TMEM63B: variants seen among roughly 807,000 people sequenced by gnomAD.
TMEM63B encodes the protein transmembrane protein 63B.
TMEM63B carries 23 observed loss-of-function variants against 102.6 expected under a neutral mutation model. That is an observed-to-expected ratio of 0.22 (90% CI 0.16 to 0.32). The LOEUF (loss-of-function observed/expected upper bound fraction) is 0.32, where lower values mean the gene tolerates loss of function less well. TMEM63B is among the 10% of genes least tolerant of loss of function. The pLI is 1.00. For missense variants in TMEM63B, 628 were observed against 1,095.9 expected (o/e 0.57, Z 6.03); for synonymous variants, 444 against 437.0 (o/e 1.02, Z -0.20).
intron 1 of TMEM63B, among the ~76,000 whole-genome samples, chr6:44,129,408 G>A (rs1777871999): frequency 6.6e-6 from 1 of 151,230 alleles, no homozygotes; most frequent in Non-Finnish European, 1.5e-5. Flanking sequence ...GAAAAAAAGT[G>A]TGGTTACTAC....
chr6:44,133,931 G>C (rs991933656), intron 1 of TMEM63B, among the ~76,000 whole-genome samples: 16 of 152,372 alleles, frequency 1.1e-4, no homozygotes, highest in African/African-American at 3.6e-4. Flanking sequence ...ATAAGCAGGA[G>C]TGGCTGGGGC....
intron 1 of TMEM63B, among the ~76,000 whole-genome samples, chr6:44,128,642 C>G (rs1206708198): frequency 6.6e-6 from 1 of 152,252 alleles, no homozygotes; most frequent in South Asian, 2.1e-4. Context: ...CTCCACCGCC[C>G]TGGGGGGCTG....
Position 44,152,353 on chromosome 6 carries a change from G to A in TMEM63B, c.1837-240G>A, listed in dbSNP as rs1463442818. On this transcript the variant is annotated intron_variant, in intron 19 of 23. Transcript: ENST00000323267. This position sits in a 1 kb window ranked among gnomAD's most constrained non-coding sequence, Gnocchi z 6.4. ...CCCAACTCTTGCCCCCTACCTGCCA[G>A]GCCCCGACCCTTGAAGGCCCCTCTC... Among the ~76,000 whole-genome samples, 1 of 151,840 alleles carries A rather than the reference G, an allele frequency of 6.6e-6. No homozygotes were observed. The highest frequency in any genetic ancestry group is 1.9e-4 in the East Asian group (1 of 5,168).
intron 20 of TMEM63B, among the ~76,000 whole-genome samples, chr6:44,153,267 C>T (rs1316935794): frequency 6.6e-6 from 1 of 152,226 alleles, no homozygotes; most frequent in East Asian, 1.9e-4. Flanking sequence ...ACCAACCCTC[C>T]CTGGTTATTG....
At position 44,150,227 on chromosome 6, in the gene TMEM63B, T is replaced by G. The variant is rs1030207695; in HGVS notation, c.1524T>G (p.Ser508=). The change falls in exon 17 of 24, where the codon TCT becomes TCG. Residue 508 remains serine (S), a synonymous_variant. Coordinates refer to ENST00000323267, the MANE Select transcript of TMEM63B (RefSeq NM_018426.3). The surrounding 1 kb of genome is among the most constrained non-coding windows in gnomAD (Gnocchi z 4.7). The part of the protein sequence containing the change: ...SAFFEAHWTR[S]GENRTTMHKC... ...TTCCCTGCTCCCCTCCCTCCAGCTC[T>G]GGGGAGAACAGGACAACCATGCACA... is the stretch of plus-strand genomic sequence containing the variant. 1.2e-6 allele frequency: 2 copies of G among 1,613,658 alleles called. No individual in the cohort carries two copies. Among genetic ancestry groups the G allele is most frequent in the African/African-American group, 2.7e-5 (2 of 74,914 alleles).
At chr6:44,139,381 T>A (rs1321166636) in intron 6 of TMEM63B, 86 bp from the exon 7 acceptor site, 2 of 1,531,466 alleles carry the variant, frequency 1.3e-6, no homozygotes, top group Non-Finnish European at 1.8e-6. Flanking sequence ...GGGTTTGGGG[T>A]GGGAGTGGGT....
At chr6:44,138,631 A>G (rs910917838) in intron 6 of TMEM63B, 114 bp downstream of exon 6, 1 of 1,236,158 alleles carries the variant, frequency 8.1e-7, no homozygotes, top group African/African-American at 1.5e-5. Flanking sequence ...TCGCCAGCAC[A>G]GCACCCTCCT....
chr6:44,136,712 C>T (rs77050779), intron 5 of TMEM63B, among the ~76,000 whole-genome samples: 2,200 of 152,350 alleles, frequency 0.014, 40 homozygotes, highest in African/African-American at 0.05. Context: ...GTGCCCACTT[C>T]TGCTGATTAA....
chr6:44,150,227 T>C lies in TMEM63B; in HGVS notation c.1524T>C (p.Ser508=), dbSNP rs1030207695. The C allele has an allele frequency of 1.9e-6, 3 of 1,613,658 alleles. No individual in the cohort carries two copies. In the African/African-American group the frequency reaches 4.0e-5, roughly 22 times the overall value. ...SAFFEAHWTR[S]GENRTTMHKC... is the part of the protein sequence containing the mutation. ...TTCCCTGCTCCCCTCCCTCCAGCTC[T>C]GGGGAGAACAGGACAACCATGCACA... The change falls in exon 17 of 24, where the codon TCT becomes TCC. Residue 508 remains serine (S), a synonymous_variant. Transcript: ENST00000323267. This position sits in a 1 kb window ranked among gnomAD's most constrained non-coding sequence, Gnocchi z 4.7.
Position 44,148,862 on chromosome 6 carries a change from C to A in TMEM63B, c.1330C>A (p.Leu444Ile), listed in dbSNP as rs768120770. 1 of 1,614,104 alleles carries A rather than the reference C, an allele frequency of 6.2e-7. No individual in the cohort carries two copies. Among genetic ancestry groups the A allele is most frequent in the Non-Finnish European group, 8.5e-7 (1 of 1,180,002 alleles). ...CLVINVVLFI[L>I]LFFLTTPAII... is the part of the protein sequence containing the mutation. ...GGTCATCAATGTCGTCCTCTTCATC[C>A]TCCTCTTCTTCCTCACCACTCCAGC... The change falls in exon 15 of 24, where the codon CTC (leucine) becomes ATC (isoleucine). Residue 444 changes from leucine to isoleucine, a missense_variant. Leu to Ile is a conservative substitution (Grantham distance 5). Coordinates refer to ENST00000323267, the MANE Select transcript of TMEM63B (RefSeq NM_018426.3). The surrounding 1 kb of genome is among the most constrained non-coding windows in gnomAD (Gnocchi z 5.1).
chr6:44,145,846 G>T (rs1397633693), intron 10 of TMEM63B, among the ~76,000 whole-genome samples: 1 of 152,194 alleles, frequency 6.6e-6, no homozygotes, highest in Non-Finnish European at 1.5e-5. Flanking sequence ...AGCCTTGCCT[G>T]GTACCAGGTA....
chr6:44,150,432 C>A lies in TMEM63B; in HGVS notation c.1607+122C>A. The A allele has an allele frequency of 7.0e-7, 1 of 1,435,450 alleles. No individual in the cohort carries two copies. Among genetic ancestry groups the A allele is most frequent in the Admixed American group, 1.7e-5 (1 of 58,516 alleles). 88.9% of individuals were successfully genotyped at this position (1,435,450 alleles called of 1,614,324 possible). On this transcript the variant is annotated intron_variant, in intron 17 of 23. Coordinates refer to ENST00000323267, the MANE Select transcript of TMEM63B (RefSeq NM_018426.3). The surrounding 1 kb of genome is among the most constrained non-coding windows in gnomAD (Gnocchi z 4.7). ...GGGCCCAAGATGGGAAGCCTGGCCA[C>A]CCCCAGGCCTCCTGAGCTACCCACC...
At position 44,154,826 on chromosome 6, in the gene TMEM63B, G is replaced by C. The variant is rs367565367; in HGVS notation, c.2442G>C (p.Thr814=). Residue 814 remains threonine (T), a synonymous_variant, in exon 24 of 24, where the codon ACG becomes ACC. Coordinates refer to ENST00000323267, the MANE Select transcript of TMEM63B (RefSeq NM_018426.3). ...EELLMPPDAL[T]DTDFQSCEDS... ...TGCTGATGCCACCCGACGCCCTCAC[G>C]GACACAGACTTCCAGTCTTGCGAGG... The C allele has an allele frequency of 1.9e-6, 3 of 1,609,672 alleles. No individual in the cohort carries two copies. The highest frequency in any genetic ancestry group is 1.7e-6 in the Non-Finnish European group (2 of 1,178,764).
chr6:44,146,651 A>G (rs919248599), intron 10 of TMEM63B, among the ~76,000 whole-genome samples, 196 bp from the exon 11 acceptor site: 41 of 152,004 alleles, frequency 2.7e-4, no homozygotes, highest in African/African-American at 9.4e-4. Context: ...GGGTTTCACC[A>G]TGTTGGCCAG....
rs923783906 is a variant in TMEM63B, at chr6:44,154,694, A to G, written c.2310A>G (p.Lys770=). 1.3e-6 allele frequency: 2 copies of G among 1,542,644 alleles called. No individual in the cohort carries two copies. Among genetic ancestry groups the G allele is most frequent in the African/African-American group, 2.8e-5 (2 of 72,334 alleles). Residue 770 remains lysine, a splice_region_variant and synonymous_variant, in exon 24 of 24, where the codon AAA becomes AAG. Coordinates refer to ENST00000323267, the MANE Select transcript of TMEM63B (RefSeq NM_018426.3). The part of the protein sequence containing the change: ...PTAAAVPKSA[K]YIAQVLQDSE... ...CCCCATTTCCTCTCCTCCTTCAGAA[A>G]TACATCGCTCAGGTGCTGCAGGACT...
At chr6:44,149,208 A>C (rs1766056449) in intron 15 of TMEM63B, 1 of 549,454 alleles carries the variant, frequency 1.8e-6, no homozygotes, top group Non-Finnish European at 3.3e-6. Context: ...ATCTCAGAGA[A>C]GTCCCCTTCC....
At chr6:44,139,366 AG>A in intron 6 of TMEM63B, 100 bp from the exon 7 acceptor site, 1 of 1,404,980 alleles carries the variant, frequency 7.1e-7, no homozygotes, top group Non-Finnish European at 9.9e-7. Context: ...AGCTGGAGCT[AG>A]GGTGGGTTTG....
chr6:44,149,989 C>T (rs1214228128), intron 16 of TMEM63B, 24 bp downstream of exon 16: 1 of 1,601,192 alleles, frequency 6.2e-7, no homozygotes, highest in Non-Finnish European at 8.5e-7. Context: ...ACTCACACCA[C>T]ACCTCGCTGT....
rs1211456301 is a variant in TMEM63B, at chr6:44,151,995, G to A, written c.1823G>A (p.Arg608His). 7 of 1,609,164 alleles carry A rather than the reference G, an allele frequency of 4.4e-6. No homozygotes were observed. Among genetic ancestry groups the A allele is most frequent in the Non-Finnish European group, 5.1e-6 (6 of 1,177,874 alleles). ...CTGGCGCGCTCGGCCGCCGAGAGGC[G>A]CAACGTGAAGCGGGTACGGCCGCCT... ...LCLARSAAER[R>H]NVKRHQAYEF... Residue 608 changes from arginine (R) to histidine (H), a missense_variant, in exon 19 of 24, where the codon CGC (arginine) becomes CAC (histidine). Arg to His is a conservative substitution (Grantham distance 29). Coordinates refer to ENST00000323267, the MANE Select transcript of TMEM63B (RefSeq NM_018426.3).
Sources: allele counts gnomAD v4.1 joint callset (sites outside exome capture counted in the v4.1 genomes callset), GRCh38; gene constraint gnomAD v4.1.1; non-coding constraint Gnocchi (gnomAD v3.1); transcripts MANE v1.5; gene names NCBI Gene and HGNC (gene_info 2026-07-23, HGNC 2026-07-21).